Variants in SPATA1 observed in about 807,000 individuals in gnomAD.
The protein encoded by SPATA1 is spermatogenesis-associated protein 1.
In SPATA1, 57 loss-of-function variants were observed where a neutral mutation model predicts 59.6. That is an observed-to-expected ratio of 0.96 (90% CI 0.77 to 1.19). The LOEUF (loss-of-function observed/expected upper bound fraction) is 1.19. Among genes scored for constraint, SPATA1 ranks in the 50% most tolerant of loss-of-function variants. The pLI is 0.00. For synonymous variants in SPATA1, 147 were observed against 163.9 expected (o/e 0.90, Z 0.79); for missense variants, 448 against 480.7 (o/e 0.93, Z 0.64).
At chr1:84,535,890 A>T (rs1300555832) in intron 8 of SPATA1, among the ~76,000 whole-genome samples, 2 of 152,204 alleles carry the variant, frequency 1.3e-5, no homozygotes, top group Non-Finnish European at 2.9e-5. Context: ...CTTTCAGCGT[A>T]GTTCTGGTGA....
At chr1:84,508,259 G>A (rs916596403) in intron 1 of SPATA1, among the ~76,000 whole-genome samples, 2 of 151,684 alleles carry the variant, frequency 1.3e-5, no homozygotes, top group Non-Finnish European at 2.9e-5. Context: ...ACTCCAGCCT[G>A]GCGACAGAGT....
At chr1:84,537,953 G>A (rs763943637) in intron 8 of SPATA1, among the ~76,000 whole-genome samples, 5 of 152,158 alleles carry the variant, frequency 3.3e-5, no homozygotes, top group African/African-American at 4.8e-5. Flanking sequence ...TTGCAGCATG[G>A]GCAATAAGGA....
At chr1:84,515,005 T>C (rs1419231560) in intron 1 of SPATA1, among the ~76,000 whole-genome samples, 1 of 152,086 alleles carries the variant, frequency 6.6e-6, no homozygotes, top group Non-Finnish European at 1.5e-5. Context: ...TGAATTAAAA[T>C]ATCACATTTT....
At chr1:84,565,331 T>G (rs139809506) in intron 4 of SPATA1, among the ~76,000 whole-genome samples, 3,225 of 152,276 alleles carry the variant, frequency 0.021, 63 homozygotes, top group Middle Eastern at 0.051. Flanking sequence ...AGGTCAAAAG[T>G]ACTCAAATTC....
chr1:84,519,536 C>T (rs112920595), intron 2 of SPATA1, among the ~76,000 whole-genome samples: 25 of 151,936 alleles, frequency 1.6e-4, no homozygotes, highest in African/African-American at 5.5e-4. Context: ...AAGATAAGGT[C>T]ATATTTACTT....
chr1:84,509,300 C>T (rs1053090965), intron 1 of SPATA1, among the ~76,000 whole-genome samples: 7 of 151,878 alleles, frequency 4.6e-5, no homozygotes, highest in African/African-American at 1.7e-4. Flanking sequence ...TACGAAGGTG[C>T]CAAGAACATA....
At chr1:84,553,602 A>T (rs998178715) in exon 13 of SPATA1, 4 of 152,242 alleles carry the variant, frequency 2.6e-5, no homozygotes, top group African/African-American at 7.2e-5. Context: ...TATGATAGAG[A>T]TAAGCATCTA....
chr1:84,524,358 G>A (rs144601862), intron 4 of SPATA1, among the ~76,000 whole-genome samples: 68 of 152,262 alleles, frequency 4.5e-4, no homozygotes, highest in African/African-American at 1.6e-3. Context: ...TTCAATGCCA[G>A]ATTAGTAGTT....
intron 1 of SPATA1, among the ~76,000 whole-genome samples, chr1:84,510,465 C>T (rs1682487978): frequency 1.3e-5 from 2 of 152,194 alleles, no homozygotes; most frequent in African/African-American, 4.8e-5. Context: ...GAGATATCAT[C>T]TCTCCCCAAT....
At chr1:84,518,684 G>A (rs1682892918) in intron 2 of SPATA1, among the ~76,000 whole-genome samples, 1 of 151,498 alleles carries the variant, frequency 6.6e-6, no homozygotes, top group Non-Finnish European at 1.5e-5. Flanking sequence ...CAATCATACT[G>A]GCATGCTCTC....
At chr1:84,562,228 C>T (rs563484474) in intron 4 of SPATA1, among the ~76,000 whole-genome samples, 12 of 152,240 alleles carry the variant, frequency 7.9e-5, no homozygotes, top group East Asian at 1.9e-4. Flanking sequence ...CCATGGCACA[C>T]GTGTGTATAT....
downstream of SPATA1, chr1:84,555,002 T>C (rs1684386756): frequency 3.1e-6 from 5 of 1,613,002 alleles, no homozygotes; most frequent in Non-Finnish European, 4.2e-6. Flanking sequence ...AAGATGTTCA[T>C]CTCTGTAACA....
chr1:84,526,060 G>T, exon 6 of SPATA1: 1 of 1,607,822 alleles, frequency 6.2e-7, no homozygotes, highest in South Asian at 1.1e-5. Flanking sequence ...TTCCTAACAA[G>T]AATCAGGAAG....
intron 11 of SPATA1, chr1:84,549,907 T>G (rs1684219646): frequency 6.6e-6 from 1 of 151,794 alleles, no homozygotes; most frequent in Admixed American, 6.6e-5. Context: ...TTTATCTTAC[T>G]GTTTAATCAG....
chr1:84,508,252 C>G (rs1682365821), intron 1 of SPATA1, among the ~76,000 whole-genome samples: 1 of 151,738 alleles, frequency 6.6e-6, no homozygotes, highest in African/African-American at 2.4e-5. Flanking sequence ...CCACTGCACT[C>G]CAGCCTGGCG....
At chr1:84,559,007 C>T (rs189190773), downstream of SPATA1, among the ~76,000 whole-genome samples, 8 of 152,292 alleles carry the variant, frequency 5.3e-5, no homozygotes, top group East Asian at 1.5e-3. Flanking sequence ...GTAGTATATA[C>T]TGTCCTAAGA....
At chr1:84,510,858 G>A (rs1387013159) in intron 1 of SPATA1, among the ~76,000 whole-genome samples, 6 of 152,212 alleles carry the variant, frequency 3.9e-5, no homozygotes, top group Admixed American at 3.9e-4. Flanking sequence ...CATCTCATTT[G>A]CAACAACATG....
In SPATA1 at chr1:84,548,940, TC is replaced by T. The variant is rs1684186066; in HGVS notation, c.1102del (p.Leu368TrpfsTer11). 2 of 1,588,812 alleles carry T rather than the reference TC, an allele frequency of 1.3e-6. No homozygotes were observed. The highest frequency in any genetic ancestry group is 2.7e-5 in the African/African-American group (2 of 73,364). ...GGGAGATCAAGATGAGACCAAAGAA[TC>T]TGGCAAACATCACAGACTCCAAGGT... On this transcript the variant is annotated frameshift_variant, in exon 11 of 13. Transcript: ENST00000490879. LOFTEE classifies it high-confidence loss of function.
chr1:84,548,749 CCTTTTTTTTTTTTTTTTTT>C lies in SPATA1; in HGVS notation c.947-36_947-18del. The C allele has an allele frequency of 1.0e-6, 1 of 994,914 alleles. No individual in the cohort carries two copies. Among genetic ancestry groups the C allele is most frequent in the South Asian group, 2.0e-5 (1 of 51,088 alleles). 61.6% of individuals were successfully genotyped at this position (994,914 alleles called of 1,614,324 possible). On this transcript the variant is annotated intron_variant, in intron 10 of 12. Transcript: ENST00000490879. ...CTTTAATACTCAAACGAAGGCCTTT[CCTTTTTTTTTTTTTTTTTT>C]TTTTTTTTTTTTTATAGCCTACAAT...
Sources: allele counts gnomAD v4.1 joint callset (sites outside exome capture counted in the v4.1 genomes callset), GRCh38; gene constraint gnomAD v4.1.1; transcripts MANE v1.5; gene names NCBI Gene and HGNC (gene_info 2026-07-23, HGNC 2026-07-21).